ADORA2B: variants seen among roughly 807,000 people sequenced by gnomAD.
ADORA2B encodes the protein adenosine receptor A2b.
In ADORA2B, 18 loss-of-function variants were observed where a neutral mutation model predicts 20.8. The observed-to-expected ratio is 0.87, with a 90% CI of 0.60 to 1.29. The LOEUF is 1.29. Among genes scored for constraint, ADORA2B ranks in the 50% most tolerant of loss-of-function variants. ADORA2B has a pLI of 0.00. For missense variants in ADORA2B, 441 were observed against 422.7 expected (o/e 1.04, Z -0.38); for synonymous variants, 179 against 178.3 (o/e 1.00, Z -0.03).
upstream of ADORA2B, among the ~76,000 whole-genome samples, chr17:15,941,217 G>C (rs1969741843): frequency 6.6e-6 from 1 of 152,160 alleles, no homozygotes. Flanking sequence ...TGTTTTCCAG[G>C]AGTCAGGATC....
At chr17:15,877,277 A>C in the ADORA2B span, among the ~76,000 whole-genome samples, 32 of 152,268 alleles carry the variant, frequency 2.1e-4, no homozygotes, top group African/African-American at 7.5e-4. Flanking sequence ...TGTTTCCTAC[A>C]GTTCCTTTGT....
At chr17:15,941,956 G>A (rs1169610901), upstream of ADORA2B, among the ~76,000 whole-genome samples, 2 of 151,850 alleles carry the variant, frequency 1.3e-5, no homozygotes, top group African/African-American at 4.8e-5. Flanking sequence ...GTGAAGAGGG[G>A]CGGGTTGTTG....
the ADORA2B span, among the ~76,000 whole-genome samples, chr17:15,929,320 A>G: frequency 1.3e-5 from 2 of 152,362 alleles, no homozygotes; most frequent in African/African-American, 4.8e-5. Context: ...AAAACAGGAA[A>G]GAGCCAGGAG....
intron 1 of ADORA2B, among the ~76,000 whole-genome samples, chr17:15,956,863 G>A (rs1461588909): frequency 3.3e-5 from 5 of 152,110 alleles, no homozygotes; most frequent in Non-Finnish European, 7.4e-5. Flanking sequence ...GCCTCCCAAA[G>A]TACTGGGATT....
At chr17:15,857,473 C>T in the ADORA2B span, among the ~76,000 whole-genome samples, 2 of 152,162 alleles carry the variant, frequency 1.3e-5, no homozygotes, top group Non-Finnish European at 2.9e-5. Flanking sequence ...CAGTGTGTAC[C>T]GTGCACCCAG....
At chr17:15,864,176 C>G in the ADORA2B span, 1 of 156,586 alleles carries the variant, frequency 6.4e-6, no homozygotes, top group South Asian at 1.9e-4. Context: ...CAATGTCAGC[C>G]AGCTTCCACC....
the ADORA2B span, among the ~76,000 whole-genome samples, chr17:15,873,653 C>T: frequency 2.6e-5 from 4 of 152,188 alleles, no homozygotes; most frequent in South Asian, 2.1e-4. Context: ...TACTCAACAT[C>T]GCTAATCATT....
At chr17:15,888,850 A>G in the ADORA2B span, among the ~76,000 whole-genome samples, 24 of 6,732 alleles carry the variant, frequency 3.6e-3, 4 homozygotes, top group Admixed American at 5.7e-3. Context: ...ATATATATAT[A>G]TTTTTTTTTT....
the ADORA2B span, among the ~76,000 whole-genome samples, chr17:15,939,880 AAAG>A: frequency 2.0e-3 from 285 of 144,128 alleles, 1 homozygote; most frequent in Non-Finnish European, 2.9e-3. Flanking sequence ...AAAAAAAAAA[AAAG>A]AAGTTACATT....
At chr17:15,871,311 C>T in the ADORA2B span, among the ~76,000 whole-genome samples, 6 of 152,308 alleles carry the variant, frequency 3.9e-5, no homozygotes, top group East Asian at 1.2e-3. Context: ...CCCAACAAGT[C>T]TAAGCTGGGC....
intron 1 of ADORA2B, among the ~76,000 whole-genome samples, chr17:15,970,088 GTA>G (rs1051653763): frequency 2.6e-5 from 4 of 152,194 alleles, no homozygotes; most frequent in African/African-American, 9.7e-5. Context: ...GTTCATTTTG[GTA>G]TAGCGGAACC....
chr17:15,865,817 AT>A, the ADORA2B span, among the ~76,000 whole-genome samples: 2 of 149,906 alleles, frequency 1.3e-5, no homozygotes, highest in Non-Finnish European at 3.0e-5. Context: ...AAACTATGTA[AT>A]TTTGCATGTA....
chr17:15,882,572 C>T, the ADORA2B span, among the ~76,000 whole-genome samples: 1 of 152,140 alleles, frequency 6.6e-6, no homozygotes, highest in African/African-American at 2.4e-5. Context: ...GAGTGAGACC[C>T]TGTCTCTAAA....
At chr17:15,932,161 T>C in the ADORA2B span, among the ~76,000 whole-genome samples, 1 of 152,216 alleles carries the variant, frequency 6.6e-6, no homozygotes, top group African/African-American at 2.4e-5. Flanking sequence ...TCAGTGTATC[T>C]AATTTTTTAT....
At chr17:15,902,378 A>C in the ADORA2B span, among the ~76,000 whole-genome samples, 1 of 151,854 alleles carries the variant, frequency 6.6e-6, no homozygotes, top group Non-Finnish European at 1.5e-5. Context: ...TAATTTTTGT[A>C]TTTTTACAAA....
At chr17:15,870,437 G>A in the ADORA2B span, among the ~76,000 whole-genome samples, 8 of 152,158 alleles carry the variant, frequency 5.3e-5, no homozygotes, top group Non-Finnish European at 1.0e-4. Flanking sequence ...CCAGGAGCTC[G>A]AGACCAGGCT....
upstream of ADORA2B, among the ~76,000 whole-genome samples, chr17:15,940,811 G>A (rs1310504929): frequency 6.6e-6 from 1 of 152,178 alleles, no homozygotes; most frequent in Admixed American, 6.5e-5. Context: ...AGTGATCCAC[G>A]ACTTCACCTC....
Position 15,948,565 on chromosome 17 carries a change from T to C in ADORA2B, c.335+2982T>C, listed in dbSNP as rs550480832. Among the ~76,000 whole-genome samples, 5 of 152,310 alleles carry C rather than the reference T, an allele frequency of 3.3e-5. No individual in the cohort carries two copies. The South Asian group carries it at 1.0e-3, about 32-fold the overall frequency. On this transcript the variant is annotated intron_variant, in intron 1 of 1. Transcript: ENST00000304222. ...CACTTCCTCCTCCCTGCTTGAATCC[T>C]GTTCCTTTCATGCCACACCCACTGT...
At chr17:15,907,733 G>A in the ADORA2B span, among the ~76,000 whole-genome samples, 11 of 152,286 alleles carry the variant, frequency 7.2e-5, no homozygotes, top group Non-Finnish European at 1.2e-4. Context: ...GGTTGCATTC[G>A]AAATTGGTTC....
Sources: gnomAD v4.1 joint callset for allele counts (sites outside exome capture counted in the v4.1 genomes callset) on GRCh38, gnomAD v4.1.1 for gene constraint, MANE v1.5 for transcripts, NCBI Gene and HGNC (gene_info 2026-07-23, HGNC 2026-07-21) for gene names.